Variants in NDST4 observed in about 807,000 individuals in gnomAD.
NDST4 encodes N-heparan sulfate sulfotransferase 4.
In NDST4, 63 loss-of-function variants were observed where a neutral mutation model predicts 100.8. The ratio of observed to expected loss-of-function variants is 0.62; its 90% CI spans 0.51 to 0.77. The LOEUF (loss-of-function observed/expected upper bound fraction) is 0.77, where lower values mean the gene tolerates loss of function less well. Ranked by LOEUF, NDST4 falls within the 30% of genes least tolerant of loss-of-function variation. The pLI, the probability that NDST4 is intolerant of heterozygous loss-of-function variation, is 0.00. For synonymous variants in NDST4, 377 were observed against 361.8 expected (o/e 1.04, Z -0.48); for missense variants, 943 against 1,018.4 (o/e 0.93, Z 1.01).
chr4:114,983,827 G>A (rs868412306), intron 2 of NDST4, among the ~76,000 whole-genome samples: 1 of 152,170 alleles, frequency 6.6e-6, no homozygotes, highest in Admixed American at 6.5e-5. Context: ...CATGTGGAAT[G>A]TGGGGCATGG....
chr4:115,108,645 GA>G (rs34309563), intron 1 of NDST4, among the ~76,000 whole-genome samples: 1 of 151,114 alleles, frequency 6.6e-6, no homozygotes, highest in African/African-American at 2.4e-5. Context: ...GGGAGTGTTG[GA>G]AAAAAAAGAA....
intron 4 of NDST4, among the ~76,000 whole-genome samples, chr4:114,942,096 AAT>A (rs1297822997): frequency 6.6e-6 from 1 of 152,226 alleles, no homozygotes; most frequent in African/African-American, 2.4e-5. Flanking sequence ...GTGACTGTTA[AAT>A]GTCATGCACT....
At chr4:115,040,131 CT>C (rs1217163576) in intron 2 of NDST4, among the ~76,000 whole-genome samples, 1 of 151,360 alleles carries the variant, frequency 6.6e-6, no homozygotes, top group African/African-American at 2.4e-5. Flanking sequence ...AACTAGACTT[CT>C]TTGAATATTC....
intron 2 of NDST4, among the ~76,000 whole-genome samples, chr4:115,045,191 T>G (rs1728438970): frequency 6.6e-6 from 1 of 151,998 alleles, no homozygotes; most frequent in Admixed American, 6.6e-5. Flanking sequence ...ACCTTCCATA[T>G]ATAGAAGGGG....
At chr4:114,933,748 G>C (rs897254223) in intron 6 of NDST4, among the ~76,000 whole-genome samples, 3 of 151,908 alleles carry the variant, frequency 2.0e-5, no homozygotes, top group Non-Finnish European at 4.4e-5. Flanking sequence ...ACAGGTATAC[G>C]AAAAAATCCT....
intron 6 of NDST4, among the ~76,000 whole-genome samples, chr4:114,920,450 A>G (rs185506540): frequency 5.3e-4 from 80 of 152,232 alleles, no homozygotes; most frequent in African/African-American, 1.9e-3. Context: ...TGTGAAAGAG[A>G]GTTTAAGTGG....
At chr4:115,008,585 G>C (rs560479810) in intron 2 of NDST4, among the ~76,000 whole-genome samples, 1 of 129,098 alleles carries the variant, frequency 7.7e-6, no homozygotes, top group African/African-American at 2.9e-5. Context: ...ATATCATACT[G>C]AATGGGCAAA....
At chr4:115,104,442 T>A (rs1729797088) in intron 1 of NDST4, among the ~76,000 whole-genome samples, 2 of 152,070 alleles carry the variant, frequency 1.3e-5, no homozygotes, top group Admixed American at 6.6e-5. Context: ...TAGCAGTTGG[T>A]CAGAAGACCA....
intron 2 of NDST4, among the ~76,000 whole-genome samples, chr4:114,995,405 G>T (rs1003685977): frequency 5.3e-5 from 8 of 152,018 alleles, no homozygotes. Flanking sequence ...TTTTCACTTA[G>T]AAGTAACAAA....
chr4:115,022,762 G>A, intron 2 of NDST4, among the ~76,000 whole-genome samples: 1 of 152,018 alleles, frequency 6.6e-6, no homozygotes, highest in East Asian at 1.9e-4. Flanking sequence ...TCCTGTGCTG[G>A]TCTCATGATC....
At chr4:115,069,522 C>T (rs1336237439) in intron 2 of NDST4, among the ~76,000 whole-genome samples, 3 of 151,712 alleles carry the variant, frequency 2.0e-5, no homozygotes, top group Non-Finnish European at 2.9e-5. Flanking sequence ...CAAAAGTATA[C>T]ATACATGCGG....
At chr4:114,966,209 C>A (rs1213055521) in intron 4 of NDST4, among the ~76,000 whole-genome samples, 1 of 151,946 alleles carries the variant, frequency 6.6e-6, no homozygotes, top group Non-Finnish European at 1.5e-5. Flanking sequence ...CACATGTACA[C>A]CCCCACTGCA....
chr4:114,977,615 T>C (rs1726667969), intron 2 of NDST4, among the ~76,000 whole-genome samples: 1 of 151,978 alleles, frequency 6.6e-6, no homozygotes. Flanking sequence ...TGAAAATTTT[T>C]CAGAATTGTT....
intron 1 of NDST4, among the ~76,000 whole-genome samples, chr4:115,102,415 C>A (rs1417398492): frequency 6.6e-6 from 1 of 151,960 alleles, no homozygotes; most frequent in African/African-American, 2.4e-5. Context: ...TTCAAGAAAT[C>A]ACAAAAGAAG....
chr4:115,016,995 ATGTGTGTGTG>A (rs140090585), intron 2 of NDST4, among the ~76,000 whole-genome samples: 1 of 146,236 alleles, frequency 6.8e-6, no homozygotes, highest in Non-Finnish European at 1.5e-5. Context: ...TCATGTGTGT[ATGTGTGTGTG>A]TGTGTGTGTG....
intron 4 of NDST4, among the ~76,000 whole-genome samples, chr4:114,940,728 C>T (rs1038004090): frequency 6.6e-6 from 1 of 152,082 alleles, no homozygotes; most frequent in African/African-American, 2.4e-5. Flanking sequence ...AGAGTCAGGT[C>T]CTATGAAGGA....
At chr4:114,958,930 C>T (rs1181510255) in intron 4 of NDST4, among the ~76,000 whole-genome samples, 1 of 152,118 alleles carries the variant, frequency 6.6e-6, no homozygotes, top group Admixed American at 6.5e-5. Flanking sequence ...TTTAAAAGCA[C>T]CAAAGTCACC....
intron 7 of NDST4, among the ~76,000 whole-genome samples, chr4:114,860,597 T>C (rs1723898451): frequency 6.6e-6 from 1 of 152,160 alleles, no homozygotes; most frequent in Non-Finnish European, 1.5e-5. Flanking sequence ...GTGGAAGCCA[T>C]ATATTGAAGA....
At chr4:115,097,084 C>A (rs1729634336) in intron 1 of NDST4, among the ~76,000 whole-genome samples, 1 of 151,996 alleles carries the variant, frequency 6.6e-6, no homozygotes, top group African/African-American at 2.4e-5. Context: ...TTTTCTTAAT[C>A]CTTACCTTCT....
Sources: allele counts gnomAD v4.1 joint callset (sites outside exome capture counted in the v4.1 genomes callset), GRCh38; gene constraint gnomAD v4.1.1; transcripts MANE v1.5; gene names NCBI Gene and HGNC (gene_info 2026-07-23, HGNC 2026-07-21).